TENM2: variants seen among roughly 807,000 people sequenced by gnomAD.
The protein encoded by TENM2 is teneurin-2.
A neutral mutation model predicts 245.2 loss-of-function variants in TENM2; 52 were observed. The ratio of observed to expected loss-of-function variants is 0.21; its 90% confidence interval spans 0.17 to 0.27. The LOEUF (loss-of-function observed/expected upper bound fraction) is 0.27. Ranked by LOEUF, TENM2 falls within the 10% of genes least tolerant of loss-of-function variation. The probability of loss-of-function intolerance (pLI) is 1.00; values close to 1 mark genes in which losing one functional copy is unlikely to be tolerated. For missense variants in TENM2, 3,046 were observed against 3,666.8 expected (o/e 0.83, Z 4.37); for synonymous variants, 1,363 against 1,438.9 (o/e 0.95, Z 1.19).
chr5:167,492,062 G>A (rs1292159991), intron 2 of TENM2, among the ~76,000 whole-genome samples: 1 of 152,140 alleles, frequency 6.6e-6, no homozygotes, highest in East Asian at 1.9e-4. Context: ...TTTCTTCAAT[G>A]TAAAACTTAT....
At chr5:167,853,519 A>G (rs532329632) in intron 2 of TENM2, among the ~76,000 whole-genome samples, 114 of 152,168 alleles carry the variant, frequency 7.5e-4, no homozygotes, top group Middle Eastern at 6.8e-3. Flanking sequence ...AATTTCACTC[A>G]TAACATACTT....
intron 1 of TENM2, among the ~76,000 whole-genome samples, chr5:167,294,468 G>C (rs989490768): frequency 6.6e-6 from 1 of 152,106 alleles, no homozygotes; most frequent in Non-Finnish European, 1.5e-5. Flanking sequence ...TCAAGGAATA[G>C]GAAGGGGAAG....
intron 13 of TENM2, among the ~76,000 whole-genome samples, chr5:168,174,237 G>T (rs886894172): frequency 2.6e-5 from 4 of 152,140 alleles, no homozygotes; most frequent in Admixed American, 6.5e-5. Context: ...TTGCACATGG[G>T]CATTCTTTCT....
At chr5:167,797,705 C>T (rs1765421006) in intron 2 of TENM2, among the ~76,000 whole-genome samples, 1 of 152,170 alleles carries the variant, frequency 6.6e-6, no homozygotes, top group African/African-American at 2.4e-5. Flanking sequence ...GAATGATTCT[C>T]ATGTTATAAT....
At chr5:168,021,591 T>G (rs149908109) in intron 5 of TENM2, among the ~76,000 whole-genome samples, 135 of 152,352 alleles carry the variant, frequency 8.9e-4, no homozygotes, top group African/African-American at 3.1e-3. Context: ...TTGGTTTTCA[T>G]GTCTTTACTC....
chr5:167,013,305 G>A, the TENM2 span, among the ~76,000 whole-genome samples: 4 of 151,950 alleles, frequency 2.6e-5, no homozygotes, highest in African/African-American at 7.3e-5. Flanking sequence ...TAATCAAAAC[G>A]GGCCATAACT....
intron 10 of TENM2, among the ~76,000 whole-genome samples, chr5:168,119,016 GC>G (rs1272981363): frequency 6.6e-6 from 1 of 152,102 alleles, no homozygotes; most frequent in Non-Finnish European, 1.5e-5. Context: ...GTAATCTAAG[GC>G]CCGTGTATGT....
intron 7 of TENM2, among the ~76,000 whole-genome samples, chr5:168,086,051 GGGGGTCCTGGACCCA>G (rs1792426659): frequency 1.3e-5 from 2 of 152,232 alleles, no homozygotes; most frequent in Non-Finnish European, 1.5e-5. Context: ...CCCCTTTTTG[GGGGGTCCTGGACCCA>G]GTAATAACAT....
At chr5:167,654,695 T>C (rs1200443436) in intron 2 of TENM2, among the ~76,000 whole-genome samples, 2 of 152,098 alleles carry the variant, frequency 1.3e-5, no homozygotes, top group Non-Finnish European at 2.9e-5. Flanking sequence ...CTAAATCCCA[T>C]TTCCCAGCAA....
intron 2 of TENM2, among the ~76,000 whole-genome samples, chr5:167,714,884 G>A (rs1401748413): frequency 1.3e-5 from 2 of 152,154 alleles, no homozygotes; most frequent in South Asian, 2.1e-4. Context: ...TCATAGGTGA[G>A]GAAATGGCTT....
chr5:167,722,271 T>TC (rs1168674247), intron 2 of TENM2, among the ~76,000 whole-genome samples: 1 of 152,158 alleles, frequency 6.6e-6, no homozygotes, highest in Non-Finnish European at 1.5e-5. Context: ...GGTTTTGAAC[T>TC]CCATCAGAGA....
chr5:167,773,975 A>G (rs1763570308), intron 2 of TENM2, among the ~76,000 whole-genome samples: 1 of 152,148 alleles, frequency 6.6e-6, no homozygotes, highest in Non-Finnish European at 1.5e-5. Context: ...CCAAAGCTGA[A>G]GGGTTCTCGA....
rs1774178114 is a variant in TENM2 at position 167,885,049 on chromosome 5, A to G, written c.712+8854A>G. On this transcript the variant is annotated intron_variant, in intron 3 of 28. Transcript: ENST00000518659. ...TTGCCTGTTTTTATATCTTCTTTGA[A>G]GAAACGTCTATTCAAGTCCTTTGCC... Among the ~76,000 whole-genome samples the G allele has an allele frequency of 2.6e-5, 4 of 152,204 alleles. No homozygotes were observed. The South Asian group carries it at 6.2e-4, about 24-fold the overall frequency.
At chr5:167,522,219 C>T (rs1161081386) in intron 2 of TENM2, among the ~76,000 whole-genome samples, 1 of 152,062 alleles carries the variant, frequency 6.6e-6, no homozygotes, top group Non-Finnish European at 1.5e-5. Flanking sequence ...AATTAGTTTG[C>T]TTAGAAAAAG....
At position 167,448,448 on chromosome 5, in the gene TENM2, A is replaced by G. The variant is rs1303972708; in HGVS notation, c.502+72975A>G. 8.8e-4 allele frequency among the ~76,000 whole-genome samples: 133 copies of G among 151,304 alleles called. 1 individual carries two copies. Among genetic ancestry groups the G allele is most frequent in the Non-Finnish European group, 7.4e-5 (5 of 67,908 alleles). On this transcript the variant is annotated intron_variant, in intron 2 of 28. Coordinates refer to ENST00000518659, the Ensembl canonical transcript of TENM2. Reference sequence around the variant, plus strand: ...TGTTTAATGGGAGAACATAGCTTTTATTTAAACTAAACATAACGGATGCAT... The same window carrying G: ...TGTTTAATGGGAGAACATAGCTTTTGTTTAAACTAAACATAACGGATGCAT...
the TENM2 span, among the ~76,000 whole-genome samples, chr5:167,187,046 A>G: frequency 5.9e-5 from 9 of 152,268 alleles, no homozygotes; most frequent in East Asian, 5.8e-4. Flanking sequence ...TTGTCATTCA[A>G]TTGGGTTTTC....
At chr5:167,988,098 G>A (rs1783386605) in intron 4 of TENM2, among the ~76,000 whole-genome samples, 1 of 152,154 alleles carries the variant, frequency 6.6e-6, no homozygotes, top group Admixed American at 6.5e-5. Flanking sequence ...TTTCTGTGGA[G>A]GGATCTGGCC....
chr5:167,102,744 C>T, the TENM2 span, among the ~76,000 whole-genome samples: 5 of 152,216 alleles, frequency 3.3e-5, no homozygotes, highest in Admixed American at 2.0e-4. Context: ...GTGCAACCTC[C>T]GCCTCCCAGG....
intron 4 of TENM2, among the ~76,000 whole-genome samples, chr5:167,963,759 A>G (rs934381170): frequency 1.3e-5 from 2 of 151,338 alleles, no homozygotes; most frequent in African/African-American, 2.4e-5. Flanking sequence ...TTAATGAAGC[A>G]TGTTAGATCT....
Sources: gnomAD v4.1 joint callset for allele counts (sites outside exome capture counted in the v4.1 genomes callset) on GRCh38, gnomAD v4.1.1 for gene constraint, MANE v1.5 for transcripts, NCBI Gene and HGNC (gene_info 2026-07-23, HGNC 2026-07-21) for gene names.